The following ADAM9 variants were observed in gnomAD, a reference collection of about 807,000 sequenced individuals.
ADAM9 encodes ADAM metallopeptidase domain 9, also known as disintegrin and metalloproteinase domain-containing protein 9.
ADAM9 carries 54 observed loss-of-function variants against 108.1 expected under a neutral mutation model. The observed-to-expected ratio is 0.50, with a 90% CI of 0.40 to 0.63. The LOEUF is 0.63. Ranked by LOEUF, ADAM9 falls within the 20% of genes least tolerant of loss-of-function variation. The pLI, the probability that ADAM9 is intolerant of heterozygous loss-of-function variation, is 0.00. For synonymous variants in ADAM9, 316 were observed against 336.0 expected, an observed-to-expected ratio of 0.94 and a Z score of 0.65; for missense variants, 830 against 997.7, an observed-to-expected ratio of 0.83 and a Z score of 2.26.
intron 15 of ADAM9, among the ~76,000 whole-genome samples, chr8:39,072,210 A>G (rs1278511706): frequency 1.3e-5 from 2 of 152,334 alleles, no homozygotes; most frequent in Middle Eastern, 3.4e-3. Flanking sequence ...CTCAATCCAT[A>G]TATGTTCACT....
rs1236931450 is a variant in ADAM9 at position 39,045,163 on chromosome 8, CATAT to C, written c.1302+3049_1302+3052del. Among the ~76,000 whole-genome samples the C allele has an allele frequency of 1.1e-4, 10 of 89,830 alleles. 1 individual carries two copies. Among genetic ancestry groups the C allele is most frequent in the African/African-American group, 4.3e-4 (10 of 23,072 alleles). 58.9% of individuals were successfully genotyped at this position (89,830 alleles called of 152,430 possible). A position where few individuals can be genotyped will look rare whatever the true frequency, so the allele number is the denominator to read the frequency against. On this transcript the variant is annotated intron_variant, in intron 12 of 21. Transcript: ENST00000487273. The stretch of plus-strand genomic sequence containing the variant: ...ATATGTGTATATATGTGTATACATA[CATAT>C]ATGTGTATATATGTGTATACATACA...
At chr8:39,040,974 C>A (rs563869239) in intron 11 of ADAM9, among the ~76,000 whole-genome samples, 2 of 152,160 alleles carry the variant, frequency 1.3e-5, no homozygotes, top group East Asian at 1.9e-4. Flanking sequence ...ACCTAAATGT[C>A]AGACTTGAAA....
chr8:39,031,501 G>A (rs1360668801), intron 11 of ADAM9, among the ~76,000 whole-genome samples: 1 of 152,132 alleles, frequency 6.6e-6, no homozygotes, highest in African/African-American at 2.4e-5. Flanking sequence ...GCTCCATCAG[G>A]CCATTTAAGG....
chr8:39,067,465 C>T (rs1838521202), intron 14 of ADAM9, among the ~76,000 whole-genome samples: 2 of 152,206 alleles, frequency 1.3e-5, no homozygotes, highest in Non-Finnish European at 2.9e-5. Flanking sequence ...AGAGGTCCTT[C>T]ACATCCCTTG....
chr8:39,028,374 A>T (rs1282889107), intron 11 of ADAM9, among the ~76,000 whole-genome samples: 1 of 152,338 alleles, frequency 6.6e-6, no homozygotes, highest in East Asian at 1.9e-4. Context: ...ATAAAAAAAA[A>T]ATTAGGTATG....
intron 12 of ADAM9, among the ~76,000 whole-genome samples, chr8:39,052,424 G>A (rs1053883272): frequency 2.0e-5 from 3 of 151,828 alleles, no homozygotes; most frequent in African/African-American, 7.2e-5. Flanking sequence ...ACTTTTCATA[G>A]GTTACATTTT....
chr8:39,018,989 T>G, intron 7 of ADAM9, 71 bp downstream of exon 7: 4 of 1,328,984 alleles, frequency 3.0e-6, no homozygotes, highest in South Asian at 1.2e-5. Context: ...ATGAAGGAAA[T>G]CTAAACTACA....
intron 11 of ADAM9, among the ~76,000 whole-genome samples, chr8:39,027,423 T>A (rs1432512607): frequency 1.3e-5 from 2 of 152,228 alleles, no homozygotes; most frequent in Non-Finnish European, 2.9e-5. Context: ...TGTAGCCATT[T>A]AAAACGTATC....
At chr8:39,040,287 G>A (rs560150555) in intron 11 of ADAM9, among the ~76,000 whole-genome samples, 6 of 152,180 alleles carry the variant, frequency 3.9e-5, no homozygotes, top group East Asian at 3.9e-4. Flanking sequence ...GACCTCAAGC[G>A]ATCCGCCCGC....
At chr8:39,060,562 A>G (rs983941658) in intron 14 of ADAM9, among the ~76,000 whole-genome samples, 2 of 152,192 alleles carry the variant, frequency 1.3e-5, no homozygotes, top group African/African-American at 2.4e-5. Flanking sequence ...CTTAGAAAGG[A>G]TATCTTGACA....
At chr8:39,088,777 C>T (rs10096361) in intron 18 of ADAM9, among the ~76,000 whole-genome samples, 12,997 of 151,916 alleles carry the variant, frequency 0.086, 873 homozygotes, top group African/African-American at 0.19. Flanking sequence ...TAAACTTTTC[C>T]GTGGAGAAAA....
chr8:39,051,103 C>G (rs1051138321), intron 12 of ADAM9, among the ~76,000 whole-genome samples: 1 of 152,052 alleles, frequency 6.6e-6, no homozygotes, highest in African/African-American at 2.4e-5. Context: ...TAACCTACTA[C>G]CTTTGTTCTC....
intron 20 of ADAM9, among the ~76,000 whole-genome samples, chr8:39,094,207 TG>T (rs1166261840): frequency 1.3e-5 from 2 of 152,248 alleles, no homozygotes. Flanking sequence ...TTCTGTTTTT[TG>T]TTTGTTAATG....
At chr8:39,038,708 G>A (rs532221059) in intron 11 of ADAM9, among the ~76,000 whole-genome samples, 1 of 152,278 alleles carries the variant, frequency 6.6e-6, no homozygotes, top group Admixed American at 6.5e-5. Context: ...TATTTGTTGA[G>A]TGAGTGGTTG....
intron 12 of ADAM9, among the ~76,000 whole-genome samples, chr8:39,046,993 T>A (rs1031284708): frequency 6.6e-6 from 1 of 152,190 alleles, no homozygotes; most frequent in African/African-American, 2.4e-5. Context: ...GGTCTCGAAC[T>A]CCTGGACTCA....
chr8:39,045,314 A>G (rs1174285389), intron 12 of ADAM9, among the ~76,000 whole-genome samples: 1 of 146,866 alleles, frequency 6.8e-6, no homozygotes, highest in African/African-American at 2.5e-5. Flanking sequence ...ATGTGTGTGT[A>G]CACCTATACA....
chr8:39,001,395 G>C (rs189321471), intron 1 of ADAM9, among the ~76,000 whole-genome samples: 1 of 152,256 alleles, frequency 6.6e-6, no homozygotes, highest in African/African-American at 2.4e-5. Context: ...ATATTTTATT[G>C]AATACGTACT....
At chr8:39,001,914 C>G (rs1364957968) in intron 1 of ADAM9, among the ~76,000 whole-genome samples, 1 of 151,704 alleles carries the variant, frequency 6.6e-6, no homozygotes, top group Non-Finnish European at 1.5e-5. Context: ...GTGATCCACC[C>G]GCCTCGGCCT....
chr8:39,075,590 CA>C (rs750071949), intron 15 of ADAM9, among the ~76,000 whole-genome samples: 1 of 152,200 alleles, frequency 6.6e-6, no homozygotes, highest in Non-Finnish European at 1.5e-5. Flanking sequence ...TGCCTGTTTA[CA>C]TCTTTGCTAA....
Sources: allele counts gnomAD v4.1 joint callset (sites outside exome capture counted in the v4.1 genomes callset), GRCh38; gene constraint gnomAD v4.1.1; transcripts MANE v1.5; gene names NCBI Gene and HGNC (gene_info 2026-07-23, HGNC 2026-07-21).